Variants in PAX4 observed in about 807,000 individuals in gnomAD.
The protein encoded by PAX4 is paired box 4.
A neutral mutation model predicts 40.6 loss-of-function variants in PAX4; 33 were observed. That is an observed-to-expected ratio of 0.81 (90% CI 0.62 to 1.09). PAX4 has a LOEUF of 1.09. PAX4 is among the 50% of genes least tolerant of loss of function. The probability of loss-of-function intolerance (pLI) is 0.00; values close to 1 mark genes in which losing one functional copy is unlikely to be tolerated. For missense variants in PAX4, 459 were observed against 442.5 expected, an observed-to-expected ratio of 1.04 and a Z score of -0.33; for synonymous variants, 174 against 170.6, an observed-to-expected ratio of 1.02 and a Z score of -0.16.
rs372751660 is a variant in PAX4, at chr7:127,613,069, G to T, written c.668C>A (p.Ala223Asp). ...TVRVWFSNRR[A>D]KWRRQEKLKW... ...GAGCTTCTCTTGCCGACGCCATTTG[G>T]CTCTTCTGTTGGAAAACCAGACCTG... The change falls in exon 9 of 12, where the codon GCC (alanine) becomes GAC (aspartate). Residue 223 changes from alanine (A) to aspartate (D), a missense_variant. Coordinates refer to ENST00000639438, the MANE Select transcript of PAX4 (RefSeq NM_001366110.1). 2.2e-5 allele frequency: 36 copies of T among 1,613,382 alleles called. No individual in the cohort carries two copies. The highest frequency in any genetic ancestry group is 3.1e-5 in the Non-Finnish European group (36 of 1,179,982).
intron 2 of PAX4, 37 bp from the exon 3 acceptor site, chr7:127,616,064 G>T (rs1794720070): frequency 2.9e-6 from 3 of 1,026,100 alleles, no homozygotes; most frequent in East Asian, 2.6e-5. Flanking sequence ...GAGGTCTTTT[G>T]CTTGAAATGG....
chr7:127,610,615 C>A lies in PAX4; in HGVS notation c.*449G>T. 1.9e-6 allele frequency: 1 copy of A among 537,132 alleles called. No homozygotes were observed. The allele number at this position is 537,132 out of a possible 1,614,324, so 33.3% of individuals were successfully genotyped here. A position where few individuals can be genotyped will look rare whatever the true frequency, so the allele number is the denominator to read the frequency against. ...TACATAATACACATATAGATGCATA[C>A]ATAGAGTAGGTAAATTGATGCATTG... On this transcript the variant is annotated 3_prime_UTR_variant, in exon 12 of 12. Transcript: ENST00000639438.
At position 127,611,091 on chromosome 7, in the gene PAX4, G is replaced by A. The variant is rs1470893542; in HGVS notation, c.1029C>T (p.Gly343=). ...ATTCCAAGCCATACAGTAGTGGGCA[G>A]CCAGGCCAGAGCAGGGCCTGAGAGC... ...LSGSQALLWP[G]CPLLYGLE is the part of the protein sequence containing the mutation. Residue 343 remains glycine (G), a synonymous_variant, in exon 12 of 12, where the codon GGC becomes GGT. Coordinates refer to ENST00000639438, the MANE Select transcript of PAX4 (RefSeq NM_001366110.1). 3 of 1,607,276 alleles carry A rather than the reference G, an allele frequency of 1.9e-6. No homozygotes were observed. In the Admixed American group the frequency reaches 5.1e-5, roughly 27 times the overall value.
In PAX4 at chr7:127,614,545, T is replaced by G; in HGVS notation, c.373A>C (p.Asn125His). The change falls in exon 6 of 12, where the codon AAC becomes CAC. Residue 125 changes from asparagine to histidine, a missense_variant. Asn to His is a moderately conservative substitution (Grantham distance 68). Coordinates refer to ENST00000639438, the MANE Select transcript of PAX4 (RefSeq NM_001366110.1). Reference sequence around the variant, plus strand: ...TCCTGTAATGCCCGCAGGACTCGGTTGATGGAGGAGACCTGGGAGTGTCAG... The same window carrying G: ...TCCTGTAATGCCCGCAGGACTCGGTGGATGGAGGAGACCTGGGAGTGTCAG... The part of the protein sequence containing the change: ...QDKTPSVSSI[N>H]RVLRALQEDQ... The G allele has an allele frequency of 6.3e-7, 1 of 1,592,948 alleles. No individual in the cohort carries two copies. The highest frequency in any genetic ancestry group is 8.6e-7 in the Non-Finnish European group (1 of 1,169,182).
Position 127,610,572 on chromosome 7 carries a change from C to CGT in PAX4, c.*491_*492insAC, listed in dbSNP as rs1244259041. On this transcript the variant is annotated 3_prime_UTR_variant, in exon 12 of 12. Transcript: ENST00000639438. ...GTGTGTGTGTGTGTGTGTGTGTGTGCGCGCACGCATGCACGCATACATAAT... is the reference window on the plus strand; with the variant it reads ...GTGTGTGTGTGTGTGTGTGTGTGTGCGTGCGCACGCATGCACGCATACATAAT... 24 of 275,614 alleles carry CGT rather than the reference C, an allele frequency of 8.7e-5. No homozygotes were observed. The highest frequency in any genetic ancestry group is 1.6e-4 in the South Asian group (5 of 31,050). The allele number at this position is 275,614 out of a possible 1,614,324, so 17.1% of individuals were successfully genotyped here. A position where few individuals can be genotyped will look rare whatever the true frequency, so the allele number is the denominator to read the frequency against.
At position 127,613,085 on chromosome 7, in the gene PAX4, A is replaced by G; in HGVS notation, c.652T>C (p.Phe218Leu). 1 of 1,613,368 alleles carries G rather than the reference A, an allele frequency of 6.2e-7. No individual in the cohort carries two copies. The highest frequency in any genetic ancestry group is 8.5e-7 in the Non-Finnish European group (1 of 1,179,830). ...SLPEDTVRVW[F>L]SNRRAKWRRQ... ...CGCCATTTGGCTCTTCTGTTGGAAA[A>G]CCAGACCTGAGCGAGGACAGGGACA... Residue 218 changes from phenylalanine (F) to leucine (L), a missense_variant, in exon 9 of 12, where the codon TTT becomes CTT. Coordinates refer to ENST00000639438, the MANE Select transcript of PAX4 (RefSeq NM_001366110.1).
In PAX4 at chr7:127,611,193, T is replaced by C. The variant is rs763534879; in HGVS notation, c.927A>G (p.Pro309=). Residue 309 remains proline, a synonymous_variant, in exon 12 of 12, where the codon CCA becomes CCG. Transcript: ENST00000639438. The part of the protein sequence containing the change: ...CLKPCWGHLP[P]QPNSLDSGLL... ...GTCCTGAGTCCAGGGAATTCGGCTG[T>C]GGGGGCAAGTGGCCTGTGGGGACAA... The C allele has an allele frequency of 3.8e-6, 6 of 1,599,818 alleles. No homozygotes were observed. The South Asian group carries it at 6.8e-5, about 18-fold the overall frequency.
At position 127,613,059 on chromosome 7, in the gene PAX4, A is replaced by G. The variant is rs1251044902; in HGVS notation, c.678T>C (p.Arg226=). 12 of 1,613,338 alleles carry G rather than the reference A, an allele frequency of 7.4e-6. No individual in the cohort carries two copies. Among genetic ancestry groups the G allele is most frequent in the Non-Finnish European group, 9.3e-6 (11 of 1,180,014 alleles). The change falls in exon 9 of 12, where the codon CGT becomes CGC. Residue 226 remains arginine, a synonymous_variant. Transcript: ENST00000639438. ...TTTCCCACTTGAGCTTCTCTTGCCG[A>G]CGCCATTTGGCTCTTCTGTTGGAAA... ...VWFSNRRAKW[R]RQEKLKWEMQ...
chr7:127,615,214 T>A, intron 4 of PAX4, 119 bp from the exon 5 acceptor site: 1 of 1,596,672 alleles, frequency 6.3e-7, no homozygotes, highest in African/African-American at 1.3e-5. Context: ...GGCCATGAAG[T>A]CGGGAGTCCA....
At chr7:127,612,746 G>A (rs939399616) in intron 9 of PAX4, among the ~76,000 whole-genome samples, 1 of 146,944 alleles carries the variant, frequency 6.8e-6, no homozygotes, top group African/African-American at 2.5e-5. Flanking sequence ...TGGGTGGATG[G>A]ATAAATGGAT....
intron 4 of PAX4, 138 bp downstream of exon 4, chr7:127,615,263 T>G (rs537843646): frequency 6.3e-7 from 1 of 1,597,250 alleles, no homozygotes; most frequent in Non-Finnish European, 8.5e-7. Context: ...CTTTTCAACC[T>G]CCGAGAGGAT....
chr7:127,614,995 G>C lies in PAX4; in HGVS notation c.245C>G (p.Pro82Arg). 6.2e-7 allele frequency: 1 copy of C among 1,614,162 alleles called. No homozygotes were observed. Among genetic ancestry groups the C allele is most frequent in the Non-Finnish European group, 8.5e-7 (1 of 1,180,032 alleles). ...IGGSKPRLAT[P>R]PVVARIAQLK... is the part of the protein sequence containing the mutation. ...CTGGGCAATTCGAGCCACCACAGGG[G>C]GTGTAGCCAGCCGTGGCTTGCTTCC... Residue 82 changes from proline to arginine, a missense_variant, in exon 5 of 12, where the codon CCC (proline) becomes CGC (arginine). Transcript: ENST00000639438.
At chr7:127,614,691 T>C in intron 5 of PAX4, 134 bp from the exon 6 acceptor site, 1 of 1,109,778 alleles carries the variant, frequency 9.0e-7, no homozygotes, top group Non-Finnish European at 1.3e-6. Flanking sequence ...CTCCTCTCTC[T>C]CTCTCTATGC....
At position 127,610,841 on chromosome 7, in the gene PAX4, G is replaced by C. The variant is rs1460229779; in HGVS notation, c.*223C>G. 8 of 1,529,844 alleles carry C rather than the reference G, an allele frequency of 5.2e-6. No individual in the cohort carries two copies. The highest frequency in any genetic ancestry group is 7.0e-6 in the Non-Finnish European group (8 of 1,140,350). 94.8% of individuals were successfully genotyped at this position (1,529,844 alleles called of 1,614,324 possible). A position where few individuals can be genotyped will look rare whatever the true frequency, so the allele number is the denominator to read the frequency against. ...CAGCTTTTATTACTGCTGAGTGGAG[G>C]CCTCTTAAGGCTAGTGTGAGAAGTG... On this transcript the variant is annotated 3_prime_UTR_variant, in exon 12 of 12. Coordinates refer to ENST00000639438, the MANE Select transcript of PAX4 (RefSeq NM_001366110.1).
intron 3 of PAX4, 183 bp from the exon 4 acceptor site, chr7:127,615,714 G>C (rs893368544): frequency 6.6e-7 from 1 of 1,508,594 alleles, no homozygotes; most frequent in South Asian, 1.3e-5. Context: ...GCTGGCTCAC[G>C]GGTGAGTCTT....
In PAX4 at chr7:127,613,550, C is replaced by T. The variant is rs1293535441; in HGVS notation, c.563-18G>A. The T allele has an allele frequency of 1.9e-6, 3 of 1,613,938 alleles. No homozygotes were observed. Among genetic ancestry groups the T allele is most frequent in the East Asian group, 2.2e-5 (1 of 44,870 alleles). On this transcript the variant is annotated intron_variant, in intron 7 of 11. Transcript: ENST00000639438. ...CTGGAACTCTGCGGAGATCGAGTCT[C>T]ACAAAGTAAGGGCACCGGGAGAGGA...
At chr7:127,616,788 A>G (rs1452641300) in intron 2 of PAX4, among the ~76,000 whole-genome samples, 1 of 152,234 alleles carries the variant, frequency 6.6e-6, no homozygotes, top group Non-Finnish European at 1.5e-5. Flanking sequence ...ACTAACATTT[A>G]TCAAAGGCAT....
At chr7:127,614,787 T>G (rs1287438119) in intron 5 of PAX4, 93 bp downstream of exon 5, 3 of 1,521,004 alleles carry the variant, frequency 2.0e-6, no homozygotes, top group Non-Finnish European at 1.8e-6. Flanking sequence ...TGTCACCAGC[T>G]TGGGATGCCC....
chr7:127,610,888 C>CTG lies in PAX4; in HGVS notation c.*175_*176insCA, dbSNP rs1486704635. Reference sequence around the variant, plus strand: ...AGTGGGTGGGTGTTGCTTTACCAGCCCCTCCAATCAGGTGATGCGCCAGAG... The same window carrying CTG: ...AGTGGGTGGGTGTTGCTTTACCAGCCTGCCTCCAATCAGGTGATGCGCCAGAG... On this transcript the variant is annotated 3_prime_UTR_variant, in exon 12 of 12. Coordinates refer to ENST00000639438, the MANE Select transcript of PAX4 (RefSeq NM_001366110.1). 1 of 1,541,916 alleles carries CTG rather than the reference C, an allele frequency of 6.5e-7. No homozygotes were observed. The highest frequency in any genetic ancestry group is 1.4e-5 in the African/African-American group (1 of 73,156).
Sources: allele counts gnomAD v4.1 joint callset (sites outside exome capture counted in the v4.1 genomes callset), GRCh38; gene constraint gnomAD v4.1.1; transcripts MANE v1.5; gene names NCBI Gene and HGNC (gene_info 2026-07-23, HGNC 2026-07-21).